BPTF: variants seen among roughly 807,000 people sequenced by gnomAD.
The protein encoded by BPTF is nucleosome-remodeling factor subunit BPTF.
In BPTF, 18 loss-of-function variants were observed where a neutral mutation model predicts 292.5. The ratio of observed to expected loss-of-function variants is 0.06; its 90% CI spans 0.04 to 0.09. The LOEUF is 0.09. Among genes scored for constraint, BPTF ranks in the 10% least tolerant of loss-of-function variants. BPTF has a pLI of 1.00. For missense variants in BPTF, 2,726 were observed against 3,498.7 expected, an observed-to-expected ratio of 0.78 and a Z score of 5.57; for synonymous variants, 1,225 against 1,251.9, an observed-to-expected ratio of 0.98 and a Z score of 0.45.
chr17:67,886,692 C>T (rs1193489486), intron 4 of BPTF, among the ~76,000 whole-genome samples: 3 of 151,862 alleles, frequency 2.0e-5, no homozygotes, highest in African/African-American at 4.8e-5. Flanking sequence ...GAGCTTTGGG[C>T]GATTTTTTAG....
At chr17:67,939,671 A>G (rs1383024552) in intron 18 of BPTF, among the ~76,000 whole-genome samples, 2 of 152,118 alleles carry the variant, frequency 1.3e-5, no homozygotes, top group Admixed American at 6.5e-5. Context: ...AGGTCAGGAG[A>G]TCAAGACCAT....
intron 7 of BPTF, among the ~76,000 whole-genome samples, chr17:67,903,208 T>G (rs1221059345): frequency 6.6e-6 from 1 of 152,262 alleles, no homozygotes; most frequent in Non-Finnish European, 1.5e-5. Context: ...TGCTTTAAAA[T>G]CCGCAGTGCT....
chr17:67,953,339 T>A (rs367697290), intron 23 of BPTF, among the ~76,000 whole-genome samples: 19 of 145,636 alleles, frequency 1.3e-4, no homozygotes, highest in African/African-American at 4.4e-4. Context: ...TCCTGCAACC[T>A]CCTCCTCCCA....
intron 4 of BPTF, 41 bp from the exon 5 acceptor site, chr17:67,891,803 C>T (rs1250078703): frequency 9.6e-6 from 14 of 1,454,066 alleles, no homozygotes; most frequent in African/African-American, 4.3e-5. Context: ...TAATTATTTA[C>T]TTATTGTCAG....
At chr17:67,976,621 G>A (rs2069456385) in intron 27 of BPTF, among the ~76,000 whole-genome samples, 1 of 147,706 alleles carries the variant, frequency 6.8e-6, no homozygotes, top group Non-Finnish European at 1.5e-5. Flanking sequence ...AGGAGTTCAA[G>A]GCTGCCGTGA....
At chr17:67,883,535 C>T (rs1466632437) in intron 4 of BPTF, among the ~76,000 whole-genome samples, 1 of 152,016 alleles carries the variant, frequency 6.6e-6, no homozygotes. Flanking sequence ...CCATGTCTTT[C>T]TTTTCTAAGT....
intron 7 of BPTF, among the ~76,000 whole-genome samples, chr17:67,898,317 C>T (rs1327098740): frequency 6.6e-6 from 1 of 152,144 alleles, no homozygotes; most frequent in East Asian, 1.9e-4. Context: ...GCTGAGATCG[C>T]ACCAGTGCAC....
intron 13 of BPTF, among the ~76,000 whole-genome samples, chr17:67,921,925 G>A (rs763278799): frequency 4.6e-5 from 7 of 152,088 alleles, no homozygotes; most frequent in Non-Finnish European, 8.8e-5. Context: ...CCAGCTACTC[G>A]GGAGGCCGAG....
intron 1 of BPTF, among the ~76,000 whole-genome samples, chr17:67,827,643 CAG>C (rs1357874315): frequency 1.3e-5 from 2 of 151,990 alleles, no homozygotes; most frequent in Non-Finnish European, 2.9e-5. Context: ...ATGTCTTTCT[CAG>C]AGAGACTAGG....
chr17:67,843,812 C>T (rs1448665457), intron 1 of BPTF, among the ~76,000 whole-genome samples: 2 of 119,174 alleles, frequency 1.7e-5, no homozygotes, highest in African/African-American at 3.5e-5. Flanking sequence ...GTTGCCCAGG[C>T]TGGAATGCAA....
chr17:67,938,812 A>C (rs1274740732), intron 18 of BPTF, among the ~76,000 whole-genome samples: 1 of 152,254 alleles, frequency 6.6e-6, no homozygotes, highest in Non-Finnish European at 1.5e-5. Context: ...GGCAAAGTGG[A>C]AAAAATAGTT....
intron 25 of BPTF, 111 bp from the exon 26 acceptor site, chr17:67,966,461 G>A: frequency 1.2e-6 from 1 of 866,196 alleles, no homozygotes; most frequent in Admixed American, 2.3e-5. Context: ...AATATTTCAT[G>A]TATCAAATTT....
intron 2 of BPTF, among the ~76,000 whole-genome samples, chr17:67,861,988 G>A (rs1484973898): frequency 6.6e-6 from 1 of 151,894 alleles, no homozygotes; most frequent in Non-Finnish European, 1.5e-5. Flanking sequence ...GTTTTGTTTT[G>A]TTTTTTGATA....
intron 27 of BPTF, chr17:67,978,053 C>T (rs2069764452): frequency 6.6e-6 from 1 of 150,926 alleles, no homozygotes; most frequent in African/African-American, 2.4e-5. Context: ...CTGGTTTCTC[C>T]ATGTTGGTGA....
rs560505280 is a variant in BPTF at position 67,879,340 on chromosome 17, C to T, written c.1864+4320C>T. ...TATTTTTAGTAGAGACGGGGTTTCA[C>T]CATGTTGGCCAGGCTGGTCTTGAAC... On this transcript the variant is annotated intron_variant, in intron 4 of 27. Transcript: ENST00000306378. 2.6e-5 allele frequency among the ~76,000 whole-genome samples: 4 copies of T among 152,046 alleles called. No individual in the cohort carries two copies. In the East Asian group the frequency reaches 7.7e-4, roughly 29 times the overall value.
Position 67,912,742 on chromosome 17 carries a change from T to C in BPTF, c.4858T>C (p.Cys1620Arg), listed in dbSNP as rs903651118. The change falls in exon 11 of 28, where the codon TGT (cysteine) becomes CGT (arginine). Residue 1620 changes from cysteine to arginine, a missense_variant. Cys to Arg is a radical substitution (Grantham distance 180). Around this residue, in one of 22 missense-constraint regions of BPTF, gnomAD observed 144 missense variants for 177.2 expected, o/e 0.81. Coordinates refer to ENST00000306378, the MANE Select transcript of BPTF (RefSeq NM_182641.4). ...AACTGTGGTTTCTTCCACAGAAAAT[T>C]GTGCAAAATCCACTGTCACAACCAC... ...KQTVVSSTEN[C>R]AKSTVTTTTT... The C allele has an allele frequency of 6.2e-7, 1 of 1,613,932 alleles. No individual in the cohort carries two copies. Among genetic ancestry groups the C allele is most frequent in the Non-Finnish European group, 8.5e-7 (1 of 1,180,042 alleles).
At chr17:67,922,805 A>C (rs748501630) in intron 13 of BPTF, 35 bp from the exon 14 acceptor site, 22 of 1,569,932 alleles carry the variant, frequency 1.4e-5, no homozygotes, top group Admixed American at 2.1e-5. Flanking sequence ...TTTAGAAGCA[A>C]TATTGCTTAA....
intron 21 of BPTF, among the ~76,000 whole-genome samples, chr17:67,947,168 G>A (rs995032658): frequency 2.0e-5 from 3 of 152,092 alleles, no homozygotes; most frequent in South Asian, 2.1e-4. Context: ...TTTACACAGC[G>A]AAGTTATTTT....
chr17:67,934,613 C>G (rs556390982), intron 18 of BPTF, among the ~76,000 whole-genome samples: 5 of 152,020 alleles, frequency 3.3e-5, no homozygotes, highest in East Asian at 1.9e-4. Flanking sequence ...TGGTGGCTCA[C>G]TCCTGTAATC....
Sources: allele counts gnomAD v4.1 joint callset (sites outside exome capture counted in the v4.1 genomes callset), GRCh38; gene constraint gnomAD v4.1.1; regional missense constraint gnomAD v4.1.1; transcripts MANE v1.5; gene names NCBI Gene and HGNC (gene_info 2026-07-23, HGNC 2026-07-21).